CASD1: variants seen among roughly 807,000 people sequenced by gnomAD.
The protein encoded by CASD1 is CAS1 domain sialic acid O acetyltransferase 1.
CASD1 carries 41 observed loss-of-function variants against 100.0 expected under a neutral mutation model. The ratio of observed to expected loss-of-function variants is 0.41; its 90% CI spans 0.32 to 0.53. CASD1 has a LOEUF of 0.53. CASD1 is among the 20% of genes least tolerant of loss of function. The pLI is 0.25. For missense variants in CASD1, 774 were observed against 948.7 expected (o/e 0.82, Z 2.42); for synonymous variants, 321 against 315.6 (o/e 1.02, Z -0.18).
chr7:94,533,752 C>A lies in CASD1; in HGVS notation c.578C>A (p.Pro193Gln). Residue 193 changes from proline to glutamine, a missense_variant, in exon 7 of 18, where the codon CCA becomes CAA. Around this residue, in one of 5 missense-constraint regions of CASD1, gnomAD observed 453 missense variants for 532.6 expected, o/e 0.85. Coordinates refer to ENST00000297273, the MANE Select transcript of CASD1 (RefSeq NM_022900.5). ...AAAATGAACATCACCTCCATAGCACCACTTTTAGAAAAATTGGCAAAGACT... is the reference window on the plus strand; with the variant it reads ...AAAATGAACATCACCTCCATAGCACAACTTTTAGAAAAATTGGCAAAGACT... ...QYKMNITSIAPLLEKLAKTSD... is the reference protein window; with the variant it reads ...QYKMNITSIAQLLEKLAKTSD... 5 of 1,604,012 alleles carry A rather than the reference C, an allele frequency of 3.1e-6. No homozygotes were observed. Among genetic ancestry groups the A allele is most frequent in the Non-Finnish European group, 4.3e-6 (5 of 1,175,062 alleles).
chr7:94,634,091 C>T, the CASD1 span, among the ~76,000 whole-genome samples: 7 of 152,192 alleles, frequency 4.6e-5, no homozygotes, highest in Middle Eastern at 3.4e-3. Flanking sequence ...TATTTATGTC[C>T]GGGTGACTTT....
chr7:94,567,721 A>G, the CASD1 span, among the ~76,000 whole-genome samples: 1 of 152,160 alleles, frequency 6.6e-6, no homozygotes, highest in African/African-American at 2.4e-5. Flanking sequence ...CTTGTTATGT[A>G]TGTATTTTTG....
At chr7:94,559,012 C>T (rs1796293443), downstream of CASD1, among the ~76,000 whole-genome samples, 5 of 152,098 alleles carry the variant, frequency 3.3e-5, no homozygotes, top group African/African-American at 1.2e-4. Context: ...GTTGGCCAAG[C>T]TGGTCTCCAA....
intron 4 of CASD1, among the ~76,000 whole-genome samples, chr7:94,527,664 T>C (rs1794642485): frequency 6.6e-6 from 1 of 152,194 alleles, no homozygotes; most frequent in Non-Finnish European, 1.5e-5. Flanking sequence ...TAACTGAGGC[T>C]TCAAAAATAA....
At chr7:94,609,471 G>A in the CASD1 span, among the ~76,000 whole-genome samples, 1 of 152,332 alleles carries the variant, frequency 6.6e-6, no homozygotes, top group Non-Finnish European at 1.5e-5. Flanking sequence ...GGCAGAGGCT[G>A]CAGTGAGCCA....
chr7:94,520,087 T>C (rs1007105066), intron 3 of CASD1, among the ~76,000 whole-genome samples: 1 of 152,186 alleles, frequency 6.6e-6, no homozygotes. Context: ...TTAATTTATA[T>C]GCATTTAAAA....
intron 10 of CASD1, 44 bp downstream of exon 10, chr7:94,539,100 T>C: frequency 8.3e-7 from 1 of 1,198,702 alleles, no homozygotes; most frequent in Non-Finnish European, 1.2e-6. Flanking sequence ...GGAAGTGATG[T>C]CATTTTAATG....
the CASD1 span, among the ~76,000 whole-genome samples, chr7:94,605,971 G>A: frequency 6.6e-6 from 1 of 152,096 alleles, no homozygotes; most frequent in Admixed American, 6.6e-5. Flanking sequence ...TGAGACTACA[G>A]GTGCCCGCCA....
At chr7:94,627,850 C>T in the CASD1 span, 171 of 243,620 alleles carry the variant, frequency 7.0e-4, 1 homozygote, top group African/African-American at 3.6e-3. Flanking sequence ...CTGTTGATGG[C>T]TATATTTCAA....
chr7:94,554,819 A>T (rs903625216), intron 17 of CASD1, among the ~76,000 whole-genome samples: 1 of 152,126 alleles, frequency 6.6e-6, no homozygotes, highest in African/African-American at 2.4e-5. Context: ...GCAAAATATT[A>T]TTTACGTTGT....
chr7:94,510,317 TCCGCCGGCCCGGC>T (rs1584363954), intron 1 of CASD1, 100 bp downstream of exon 1: 2 of 942,470 alleles, frequency 2.1e-6, no homozygotes, highest in East Asian at 6.8e-5. Flanking sequence ...CACGCGGCCT[TCCGCCGGCCCGGC>T]CCGCGGGGGA....
the CASD1 span, chr7:94,587,541 G>C: frequency 1.5e-6 from 2 of 1,307,448 alleles, no homozygotes; most frequent in Non-Finnish European, 1.9e-6. Flanking sequence ...TGTGAAATTA[G>C]TGGTAGTAGG....
At chr7:94,524,274 C>T (rs367852074) in intron 3 of CASD1, 1 of 151,636 alleles carries the variant, frequency 6.6e-6, no homozygotes, top group African/African-American at 2.4e-5. Flanking sequence ...CAAAAGATAC[C>T]TTAAAGAAAA....
chr7:94,588,211 T>C, the CASD1 span: 17 of 1,068,590 alleles, frequency 1.6e-5, no homozygotes, highest in Non-Finnish European at 1.9e-5. Flanking sequence ...TTGTCATTGG[T>C]CATGTTATAA....
chr7:94,613,074 T>A, the CASD1 span, among the ~76,000 whole-genome samples: 1 of 152,246 alleles, frequency 6.6e-6, no homozygotes, highest in African/African-American at 2.4e-5. Context: ...TCAGGTAGCC[T>A]ACTGGCTAAA....
At position 94,535,369 on chromosome 7, in the gene CASD1, ATG is replaced by A. The variant is rs1283949265; in HGVS notation, c.690_691del (p.Ala231LeufsTer3). On this transcript the variant is annotated frameshift_variant, in exon 8 of 18. Transcript: ENST00000297273. LOFTEE classifies it high-confidence loss of function. The stretch of plus-strand genomic sequence containing the variant: ...AAGATGATCACTAATGAGAAGATAG[ATG>A]CTTACAATGAAGCTGCAGTCAGTAT... The A allele has an allele frequency of 6.2e-7, 1 of 1,613,446 alleles. No individual in the cohort carries two copies. The highest frequency in any genetic ancestry group is 8.5e-7 in the Non-Finnish European group (1 of 1,179,698).
chr7:94,606,627 GT>G, the CASD1 span, among the ~76,000 whole-genome samples: 1 of 152,298 alleles, frequency 6.6e-6, no homozygotes. Flanking sequence ...CAGTCGACAG[GT>G]TTTAATAGAC....
the CASD1 span, among the ~76,000 whole-genome samples, chr7:94,630,729 C>G: frequency 8.8e-4 from 133 of 151,986 alleles, no homozygotes; most frequent in South Asian, 7.5e-3. Context: ...TTTCTATATT[C>G]CTGATTGGCT....
At chr7:94,538,542 T>C (rs1225701175) in intron 9 of CASD1, among the ~76,000 whole-genome samples, 1 of 152,168 alleles carries the variant, frequency 6.6e-6, no homozygotes, top group Non-Finnish European at 1.5e-5. Context: ...TAAACTGTAA[T>C]AATAGAGCTT....
Sources: gnomAD v4.1 joint callset for allele counts (sites outside exome capture counted in the v4.1 genomes callset) on GRCh38, gnomAD v4.1.1 for gene constraint, gnomAD v4.1.1 regional missense constraint, MANE v1.5 for transcripts, NCBI Gene and HGNC (gene_info 2026-07-23, HGNC 2026-07-21) for gene names.